Variants in OTUD7A observed in about 807,000 individuals in gnomAD.
OTUD7A encodes OTU deubiquitinase 7A.
Under a neutral mutation model 65.7 loss-of-function variants are expected in OTUD7A, and 12 were observed. That is an observed-to-expected ratio of 0.18 (90% CI 0.12 to 0.30). OTUD7A has a LOEUF of 0.30. Among genes scored for constraint, OTUD7A ranks in the 10% least tolerant of loss-of-function variants. The probability of loss-of-function intolerance (pLI) is 1.00; values close to 1 mark genes in which losing one functional copy is unlikely to be tolerated. For missense variants in OTUD7A, 1,148 were observed against 1,304.8 expected, an observed-to-expected ratio of 0.88 and a Z score of 1.85; for synonymous variants, 641 against 586.3, an observed-to-expected ratio of 1.09 and a Z score of -1.35.
chr15:31,641,845 A>G (rs958225702), intron 3 of OTUD7A, among the ~76,000 whole-genome samples: 1 of 152,188 alleles, frequency 6.6e-6, no homozygotes, highest in African/African-American at 2.4e-5. Flanking sequence ...ATATGTCATC[A>G]TGTCACCTGT....
At chr15:31,585,275 C>A (rs1889495180) in intron 3 of OTUD7A, among the ~76,000 whole-genome samples, 1 of 152,242 alleles carries the variant, frequency 6.6e-6, no homozygotes. Context: ...AATGGCACTT[C>A]CCAGAACTGC....
intron 1 of OTUD7A, among the ~76,000 whole-genome samples, chr15:31,793,828 C>G (rs1467283799): frequency 6.6e-6 from 1 of 152,226 alleles, no homozygotes; most frequent in East Asian, 1.9e-4. Flanking sequence ...TCCATGTAGG[C>G]TCTTCTTGGT....
chr15:31,576,491 T>C (rs1430279237), intron 3 of OTUD7A, among the ~76,000 whole-genome samples: 1 of 152,216 alleles, frequency 6.6e-6, no homozygotes, highest in Non-Finnish European at 1.5e-5. Flanking sequence ...CTTATCTACC[T>C]ATGACCTGGA....
At chr15:31,836,780 G>A (rs1897064664) in intron 1 of OTUD7A, among the ~76,000 whole-genome samples, 1 of 152,136 alleles carries the variant, frequency 6.6e-6, no homozygotes, top group African/African-American at 2.4e-5. Context: ...AAAAGCATTT[G>A]GCAGATCCAA....
chr15:31,863,120 A>C (rs566402101), intron 1 of OTUD7A, among the ~76,000 whole-genome samples: 1 of 152,230 alleles, frequency 6.6e-6, no homozygotes, highest in South Asian at 2.1e-4. Context: ...CGCTGATGCT[A>C]GAGATGGATG....
chr15:31,715,078 G>C (rs1387871959), intron 1 of OTUD7A, among the ~76,000 whole-genome samples: 2 of 151,944 alleles, frequency 1.3e-5, no homozygotes, highest in Non-Finnish European at 2.9e-5. Flanking sequence ...TGAGGTTGAA[G>C]TGAGCTGAGC....
At position 31,867,943 on chromosome 15, in the gene OTUD7A, G is replaced by C. The variant is rs890048596; in HGVS notation, c.-100+2564C>G. 1.2e-4 allele frequency among the ~76,000 whole-genome samples: 19 copies of C among 152,264 alleles called. No homozygotes were observed. The South Asian group carries it at 1.7e-3, about 13-fold the overall frequency. ...GGGGGCGGGGGCGGAGCACACCGGCGCACACACATGCACCCACCTCAACTT... is the reference window on the plus strand; with the variant it reads ...GGGGGCGGGGGCGGAGCACACCGGCCCACACACATGCACCCACCTCAACTT... On this transcript the variant is annotated intron_variant, in intron 1 of 12. Transcript: ENST00000307050.
At chr15:31,845,424 C>T (rs1305802428) in intron 1 of OTUD7A, among the ~76,000 whole-genome samples, 5 of 152,218 alleles carry the variant, frequency 3.3e-5, no homozygotes, top group Admixed American at 2.6e-4. Context: ...AGAAACCACG[C>T]GGGTAAGCCA....
At chr15:31,581,919 T>C (rs2141185355) in intron 3 of OTUD7A, among the ~76,000 whole-genome samples, 1 of 152,364 alleles carries the variant, frequency 6.6e-6, no homozygotes, top group South Asian at 2.1e-4. Context: ...TACTGCATTA[T>C]CAGACTGCAA....
intron 3 of OTUD7A, among the ~76,000 whole-genome samples, chr15:31,580,003 G>C (rs1182872494): frequency 6.6e-6 from 1 of 152,198 alleles, no homozygotes; most frequent in East Asian, 1.9e-4. Context: ...AGGATATCTA[G>C]GAAAGAACCA....
chr15:31,599,730 G>A (rs1181288547), intron 3 of OTUD7A, among the ~76,000 whole-genome samples: 1 of 152,136 alleles, frequency 6.6e-6, no homozygotes, highest in African/African-American at 2.4e-5. Context: ...ATGCAAGGAA[G>A]CTAAGAACCT....
intron 5 of OTUD7A, chr15:31,557,048 A>C (rs1888520801): frequency 6.6e-6 from 1 of 152,236 alleles, no homozygotes; most frequent in African/African-American, 2.4e-5. Context: ...GAATTTCTCC[A>C]CAGTCACAAC....
intron 1 of OTUD7A, among the ~76,000 whole-genome samples, chr15:31,809,028 G>A (rs1317609648): frequency 2.0e-5 from 3 of 152,218 alleles, no homozygotes; most frequent in African/African-American, 4.8e-5. Context: ...ACCAAGAAGT[G>A]CCTGGGGGAC....
chr15:31,836,040 C>G (rs1267148623), intron 1 of OTUD7A, among the ~76,000 whole-genome samples: 1 of 151,972 alleles, frequency 6.6e-6, no homozygotes, highest in African/African-American at 2.4e-5. Flanking sequence ...GATTTCAGAT[C>G]TTTGGATTAG....
chr15:31,559,905 A>G (rs1015848371), intron 4 of OTUD7A, among the ~76,000 whole-genome samples: 2 of 152,212 alleles, frequency 1.3e-5, no homozygotes, highest in African/African-American at 4.8e-5. Context: ...AGCCTTTTCT[A>G]TCCTGCAGGC....
intron 1 of OTUD7A, among the ~76,000 whole-genome samples, chr15:31,851,622 C>G (rs1897427032): frequency 6.6e-6 from 1 of 152,128 alleles, no homozygotes; most frequent in Admixed American, 6.5e-5. Context: ...TGCAATAATA[C>G]CATGATGGAG....
intron 3 of OTUD7A, among the ~76,000 whole-genome samples, chr15:31,639,351 T>C (rs1891444519): frequency 1.3e-5 from 2 of 150,990 alleles, no homozygotes; most frequent in South Asian, 2.1e-4. Flanking sequence ...ATTCACTCCT[T>C]TGGATTGAGA....
At position 31,803,501 on chromosome 15, in the gene OTUD7A, AG is replaced by A. The variant is rs34027821; in HGVS notation, c.-100+67005del. On this transcript the variant is annotated intron_variant, in intron 1 of 12. Transcript: ENST00000307050. ...GTGACCAAGCTGTCCAGGAAGGCTC[AG>A]GGGTGCCTCTGCCCTTGTCTTGCTG... is the stretch of plus-strand genomic sequence containing the variant. Among the ~76,000 whole-genome samples, 2 of 152,214 alleles carry A rather than the reference AG, an allele frequency of 1.3e-5. 1 individual carries two copies. Among genetic ancestry groups the A allele is most frequent in the Non-Finnish European group, 2.9e-5 (2 of 68,028 alleles).
At chr15:31,577,386 T>C (rs1365852221) in intron 3 of OTUD7A, among the ~76,000 whole-genome samples, 2 of 152,184 alleles carry the variant, frequency 1.3e-5, no homozygotes, top group Admixed American at 6.5e-5. Context: ...CTTCAAATCT[T>C]TAGGCAAAGC....
Sources: allele counts gnomAD v4.1 joint callset (sites outside exome capture counted in the v4.1 genomes callset), GRCh38; gene constraint gnomAD v4.1.1; transcripts MANE v1.5; gene names NCBI Gene and HGNC (gene_info 2026-07-23, HGNC 2026-07-21).